PTPRD: variants seen among roughly 807,000 people sequenced by gnomAD.
The protein encoded by PTPRD is receptor-type tyrosine-protein phosphatase delta.
Under a neutral mutation model 214.5 loss-of-function variants are expected in PTPRD, and 34 were observed. The ratio of observed to expected loss-of-function variants is 0.16; its 90% CI spans 0.12 to 0.21. The LOEUF is 0.21. Ranked by LOEUF, PTPRD falls within the 10% of genes least tolerant of loss-of-function variation. PTPRD has a pLI of 1.00. For synonymous variants in PTPRD, 1,128 were observed against 845.7 expected (o/e 1.33, Z -5.79); for missense variants, 2,545 against 2,398.7 (o/e 1.06, Z -1.27).
intron 10 of PTPRD, among the ~76,000 whole-genome samples, chr9:9,054,672 C>T (rs1183914376): frequency 6.6e-6 from 1 of 152,114 alleles, no homozygotes; most frequent in Non-Finnish European, 1.5e-5. Flanking sequence ...GAACTATTCA[C>T]TATTATATTT....
At chr9:8,991,699 C>T (rs892131443) in intron 11 of PTPRD, among the ~76,000 whole-genome samples, 5 of 152,068 alleles carry the variant, frequency 3.3e-5, no homozygotes, top group African/African-American at 1.2e-4. Context: ...CAATTTGCCT[C>T]TTAGGGTAAT....
intron 3 of PTPRD, among the ~76,000 whole-genome samples, chr9:10,182,259 C>CAAAAAAAAAAAAAAAAAAAAAAAAA (rs3075574): frequency 7.9e-4 from 43 of 54,446 alleles, no homozygotes; most frequent in African/African-American, 2.2e-3. Context: ...GACTCTGCCT[C>CAAAAAAAAAAAAAAAAAAAAAAAAA]AAAAAAAAAA....
In PTPRD at chr9:9,702,115, G is replaced by A. The variant is rs532734218; in HGVS notation, c.-287+32418C>T. ...AGCCTGGGCAACAGAGCAAGACTCCGTCTCAAAAGAAAGAGAGAGAGAGAG... is the reference window on the plus strand; with the variant it reads ...AGCCTGGGCAACAGAGCAAGACTCCATCTCAAAAGAAAGAGAGAGAGAGAG... On this transcript the variant is annotated intron_variant, in intron 7 of 45. Transcript: ENST00000381196. 3.4e-4 allele frequency among the ~76,000 whole-genome samples: 52 copies of A among 151,938 alleles called. 1 individual carries two copies. The South Asian group carries it at 4.6e-3, about 13-fold the overall frequency.
intron 3 of PTPRD, among the ~76,000 whole-genome samples, chr9:10,299,275 G>A (rs1289083046): frequency 1.3e-5 from 2 of 151,874 alleles, no homozygotes; most frequent in East Asian, 3.9e-4. Context: ...GAATATTTTG[G>A]ACTATTGTCT....
intron 8 of PTPRD, among the ~76,000 whole-genome samples, chr9:9,448,652 G>A (rs2091234693): frequency 6.6e-6 from 1 of 152,004 alleles, no homozygotes; most frequent in Non-Finnish European, 1.5e-5. Context: ...TGCTCTAAGA[G>A]TTACACACAT....
intron 11 of PTPRD, among the ~76,000 whole-genome samples, chr9:8,863,290 G>C (rs2098138402): frequency 6.6e-6 from 1 of 152,142 alleles, no homozygotes; most frequent in Non-Finnish European, 1.5e-5. Context: ...ATGCGACTGT[G>C]ACAAATGGAT....
intron 9 of PTPRD, among the ~76,000 whole-genome samples, chr9:9,306,635 T>G (rs1371961250): frequency 6.6e-6 from 1 of 151,662 alleles, no homozygotes; most frequent in African/African-American, 2.4e-5. Flanking sequence ...TGAATATACT[T>G]GAGAAAATGA....
intron 5 of PTPRD, among the ~76,000 whole-genome samples, chr9:9,774,641 C>G (rs531360039): frequency 1.3e-3 from 199 of 152,252 alleles, no homozygotes; most frequent in African/African-American, 4.4e-3. Context: ...ATTCATCAGG[C>G]ATTGAGCTCT....
At chr9:8,325,129 T>C (rs1374963553) in intron 44 of PTPRD, among the ~76,000 whole-genome samples, 1 of 149,550 alleles carries the variant, frequency 6.7e-6, no homozygotes, top group African/African-American at 2.5e-5. Context: ...CTTTTGGCTT[T>C]AGTTGCCATT....
At chr9:9,352,289 C>A (rs1187724499) in intron 9 of PTPRD, among the ~76,000 whole-genome samples, 1 of 150,688 alleles carries the variant, frequency 6.6e-6, no homozygotes, top group Non-Finnish European at 1.5e-5. Context: ...CTCGTAAACA[C>A]AAACAATACT....
At chr9:9,036,566 T>C (rs551583560) in intron 10 of PTPRD, among the ~76,000 whole-genome samples, 1 of 152,278 alleles carries the variant, frequency 6.6e-6, no homozygotes, top group African/African-American at 2.4e-5. Flanking sequence ...TTATTAATTG[T>C]ATTGTAATAA....
At chr9:10,572,396 T>C (rs182538287) in intron 2 of PTPRD, among the ~76,000 whole-genome samples, 2 of 152,316 alleles carry the variant, frequency 1.3e-5, no homozygotes, top group Admixed American at 6.5e-5. Flanking sequence ...TGTTAAGTCA[T>C]TGACCATCAT....
At chr9:10,380,675 C>T (rs1166545431) in intron 2 of PTPRD, among the ~76,000 whole-genome samples, 1 of 152,004 alleles carries the variant, frequency 6.6e-6, no homozygotes, top group Non-Finnish European at 1.5e-5. Flanking sequence ...GTCCACGGAA[C>T]AAAATCCACT....
At chr9:9,693,859 CT>C (rs533432463) in intron 7 of PTPRD, among the ~76,000 whole-genome samples, 133 of 152,246 alleles carry the variant, frequency 8.7e-4, no homozygotes, top group African/African-American at 3.0e-3. Flanking sequence ...TTATCAATTG[CT>C]TGATCAATTC....
intron 2 of PTPRD, among the ~76,000 whole-genome samples, chr9:10,370,008 T>A (rs1163567141): frequency 2.0e-5 from 3 of 152,072 alleles, no homozygotes; most frequent in Non-Finnish European, 4.4e-5. Flanking sequence ...CATATTATGA[T>A]GCAGGCACTA....
intron 7 of PTPRD, among the ~76,000 whole-genome samples, chr9:9,598,066 T>G (rs1049143489): frequency 7.2e-5 from 11 of 152,114 alleles, no homozygotes; most frequent in African/African-American, 2.4e-4. Context: ...CTGTCTGGCT[T>G]GGGCAAACTG....
intron 8 of PTPRD, among the ~76,000 whole-genome samples, chr9:9,499,016 T>G (rs564847557): frequency 6.6e-6 from 1 of 152,138 alleles, no homozygotes; most frequent in African/African-American, 2.4e-5. Context: ...TATCAATTGT[T>G]TCTCTGTCAG....
At chr9:8,532,963 T>C (rs2139762930) in intron 14 of PTPRD, among the ~76,000 whole-genome samples, 1 of 152,132 alleles carries the variant, frequency 6.6e-6, no homozygotes, top group South Asian at 2.1e-4. Flanking sequence ...TAGAACTTAT[T>C]AACAACCCTG....
intron 35 of PTPRD, 63 bp downstream of exon 35, chr9:8,436,529 A>G: frequency 7.8e-7 from 1 of 1,276,698 alleles, no homozygotes; most frequent in South Asian, 1.2e-5. Context: ...TTTCAAGAAT[A>G]TGGTCAAAAA....
Sources: gnomAD v4.1 joint callset for allele counts (sites outside exome capture counted in the v4.1 genomes callset) on GRCh38, gnomAD v4.1.1 for gene constraint, MANE v1.5 for transcripts, NCBI Gene and HGNC (gene_info 2026-07-23, HGNC 2026-07-21) for gene names.